RSRP1: variants seen among roughly 807,000 people sequenced by gnomAD.
RSRP1 encodes arginine and serine rich protein 1, also known as arginine/serine-rich protein 1.
In RSRP1, 37 loss-of-function variants were observed where a neutral mutation model predicts 33.0. The ratio of observed to expected loss-of-function variants is 1.12; its 90% CI spans 0.86 to 1.48. The LOEUF is 1.48. Ranked by LOEUF, RSRP1 falls within the 40% of genes most tolerant of loss-of-function variation. RSRP1 has a pLI of 0.00. For missense variants in RSRP1, 402 were observed against 385.3 expected (o/e 1.04, Z -0.36); for synonymous variants, 167 against 158.7 (o/e 1.05, Z -0.40).
At position 25,246,691 on chromosome 1, in the gene RSRP1, G is replaced by A; in HGVS notation, c.273C>T (p.Arg91=). The change falls in exon 2 of 5, where the codon CGC becomes CGT. Residue 91 remains arginine (R), a synonymous_variant. Coordinates refer to ENST00000243189, the MANE Select transcript of RSRP1 (RefSeq NM_020317.5). Reference sequence around the variant, plus strand: ...ACCCGTAGCGCCTCTCTCGGTAACGGCGGCTGCGGGATCGCGACCGGCTCC... The same window carrying A: ...ACCCGTAGCGCCTCTCTCGGTAACGACGGCTGCGGGATCGCGACCGGCTCC... ...YSRSRSRSRS[R]RYRERRYGFT... is the part of the protein sequence containing the mutation. The A allele has an allele frequency of 6.2e-7, 1 of 1,608,284 alleles. No individual in the cohort carries two copies. Among genetic ancestry groups the A allele is most frequent in the Non-Finnish European group, 8.5e-7 (1 of 1,175,796 alleles).
upstream of RSRP1, among the ~76,000 whole-genome samples, chr1:25,251,012 G>T (rs981925887): frequency 2.7e-5 from 4 of 148,008 alleles, no homozygotes; most frequent in Admixed American, 6.8e-5. Flanking sequence ...CCAACTCAAA[G>T]AAAAAAATAA....
At chr1:25,314,319 A>C (rs1446195565) in intron 1 of RSRP1, among the ~76,000 whole-genome samples, 1 of 132,930 alleles carries the variant, frequency 7.5e-6, no homozygotes, top group East Asian at 1.9e-4. Flanking sequence ...CCAATAACTA[A>C]CTAAATGGAG....
chr1:25,244,802 G>A (rs762291242), intron 3 of RSRP1: 372 of 969,158 alleles, frequency 3.8e-4, no homozygotes, highest in Non-Finnish European at 4.6e-4. Context: ...TCCTGCCTCA[G>A]CCTCCCAAAC....
intron 1 of RSRP1, among the ~76,000 whole-genome samples, chr1:25,311,578 A>G (rs1644151708): frequency 7.7e-6 from 1 of 130,422 alleles, no homozygotes; most frequent in Non-Finnish European, 1.8e-5. Context: ...ACAAAGCCAG[A>G]GGCTGTTCAT....
chr1:25,252,501 G>A (rs904742770), intron 1 of RSRP1, among the ~76,000 whole-genome samples: 8 of 151,674 alleles, frequency 5.3e-5, no homozygotes, highest in Non-Finnish European at 7.4e-5. Flanking sequence ...GAGAGGTCTC[G>A]TGGAGCTTCA....
intron 1 of RSRP1, among the ~76,000 whole-genome samples, chr1:25,257,675 C>T (rs1023481153): frequency 6.6e-6 from 1 of 150,542 alleles, no homozygotes; most frequent in African/African-American, 2.5e-5. Flanking sequence ...TCATGGCTCA[C>T]TGCAGCCTCA....
At chr1:25,318,967 G>A (rs756858361) in intron 1 of RSRP1, among the ~76,000 whole-genome samples, 1 of 133,060 alleles carries the variant, frequency 7.5e-6, no homozygotes, top group African/African-American at 2.6e-5. Context: ...AAGCAGAGGC[G>A]GAGTAGCGTT....
In RSRP1 at chr1:25,320,279, C is replaced by A. The variant is rs1303307601; in HGVS notation, c.-67+17699G>T. Among the ~76,000 whole-genome samples, 6 of 132,278 alleles carry A rather than the reference C, an allele frequency of 4.5e-5. 1 individual carries two copies. The highest frequency in any genetic ancestry group is 1.1e-4 in the Non-Finnish European group (6 of 55,794). The allele number at this position is 132,278 out of a possible 152,430, so 86.8% of individuals were successfully genotyped here. ...AGAACAACAACCCTCCACAGCTACA[C>A]ACCTTTTCCACGTTATATGGCACGT... On this transcript the variant is annotated intron_variant, in intron 1 of 1. Coordinates refer to the RSRP1 transcript ENST00000561867.
intron 4 of RSRP1, 119 bp from the exon 5 acceptor site, chr1:25,242,824 C>A (rs1043420822): frequency 2.9e-6 from 2 of 697,144 alleles, no homozygotes; most frequent in African/African-American, 3.6e-5. Context: ...TTGCTGGGCG[C>A]GGTGGCTCAC....
intron 1 of RSRP1, among the ~76,000 whole-genome samples, chr1:25,255,558 A>G (rs1297105955): frequency 6.6e-6 from 1 of 152,088 alleles, no homozygotes; most frequent in East Asian, 1.9e-4. Context: ...GTAGAAGACC[A>G]TTTTTCCACA....
intron 1 of RSRP1, among the ~76,000 whole-genome samples, chr1:25,296,935 C>A (rs2124661759): frequency 7.7e-6 from 1 of 130,718 alleles, no homozygotes; most frequent in East Asian, 2.0e-4. Context: ...AACACAATTT[C>A]CTAAAACAAG....
chr1:25,262,423 T>C (rs1251409152), intron 1 of RSRP1, among the ~76,000 whole-genome samples: 1 of 152,038 alleles, frequency 6.6e-6, no homozygotes, highest in African/African-American at 2.4e-5. Context: ...TAATATCAGG[T>C]AGGGATAAAT....
chr1:25,302,533 T>A (rs1643468797), intron 1 of RSRP1, among the ~76,000 whole-genome samples: 1 of 129,712 alleles, frequency 7.7e-6, no homozygotes, highest in South Asian at 2.4e-4. Flanking sequence ...GGGTGTCAAC[T>A]CAGGGAAGCC....
At chr1:25,337,342 G>C (rs1187455174) in intron 1 of RSRP1, 1 of 151,536 alleles carries the variant, frequency 6.6e-6, no homozygotes, top group African/African-American at 2.4e-5. Flanking sequence ...AGGAGACCTC[G>C]ACCCTGCTCC....
At position 25,318,110 on chromosome 1, in the gene RSRP1, A is replaced by C. The variant is rs551011718; in HGVS notation, c.-67+19868T>G. 2 of 128,520 alleles carry C rather than the reference A, an allele frequency of 1.6e-5. 1 individual carries two copies. Among genetic ancestry groups the C allele is most frequent in the Admixed American group, 1.5e-4 (2 of 13,156 alleles). 8.0% of individuals were successfully genotyped at this position (128,520 alleles called of 1,614,324 possible). On this transcript the variant is annotated intron_variant, in intron 1 of 1. Coordinates refer to the RSRP1 transcript ENST00000561867. ...GACCGAAGTGGGCAGATCATCTGAG[A>C]TCAGGATTCAAGACCAGCATGGCCA... is the stretch of plus-strand genomic sequence containing the variant.
Position 25,246,604 on chromosome 1 carries a change from G to A in RSRP1, c.360C>T (p.Arg120=). The part of the protein sequence containing the change: ...RYRSRSRSRS[R]SRGRSYCGRA... ...TTCCGCAGTACGACCTTCCCCGAGA[G>A]CGCGACCTGCTACGGGACCGGGACC... The change falls in exon 2 of 5, where the codon CGC becomes CGT. Residue 120 remains arginine (R), a synonymous_variant. Transcript: ENST00000243189. The A allele has an allele frequency of 6.2e-7, 1 of 1,614,132 alleles. No homozygotes were observed. Among genetic ancestry groups the A allele is most frequent in the South Asian group, 1.1e-5 (1 of 91,090 alleles).
chr1:25,293,978 T>C (rs1642727374), intron 1 of RSRP1, among the ~76,000 whole-genome samples: 1 of 132,012 alleles, frequency 7.6e-6, no homozygotes, highest in Admixed American at 7.3e-5. Context: ...TCTCACAACT[T>C]AGATATAATT....
intron 1 of RSRP1, among the ~76,000 whole-genome samples, chr1:25,271,306 T>G (rs1640502345): frequency 1.5e-5 from 2 of 130,438 alleles, no homozygotes; most frequent in African/African-American, 5.3e-5. Flanking sequence ...TCTCCTCTGA[T>G]CTACATAGGA....
intron 1 of RSRP1, among the ~76,000 whole-genome samples, chr1:25,276,417 A>C (rs755082772): frequency 1.1e-5 from 1 of 91,756 alleles, no homozygotes; most frequent in South Asian, 2.8e-4. Context: ...ATAGTTAATT[A>C]AAAAAAAAAA....
Sources: allele counts gnomAD v4.1 joint callset (sites outside exome capture counted in the v4.1 genomes callset), GRCh38; gene constraint gnomAD v4.1.1; transcripts MANE v1.5; gene names NCBI Gene and HGNC (gene_info 2026-07-23, HGNC 2026-07-21).